NRXN3: variants seen among roughly 807,000 people sequenced by gnomAD.
NRXN3 encodes the protein neurexin III.
Under a neutral mutation model 137.6 loss-of-function variants are expected in NRXN3, and 32 were observed. The ratio of observed to expected loss-of-function variants is 0.23; its 90% CI spans 0.18 to 0.31. NRXN3 has a LOEUF of 0.31. NRXN3 is among the 10% of genes least tolerant of loss of function. The probability of loss-of-function intolerance (pLI) is 1.00; values close to 1 mark genes in which losing one functional copy is unlikely to be tolerated. For synonymous variants in NRXN3, 798 were observed against 784.5 expected (o/e 1.02, Z -0.29); for missense variants, 1,574 against 2,062.5 (o/e 0.76, Z 4.59).
intron 6 of NRXN3, among the ~76,000 whole-genome samples, chr14:78,695,081 T>C (rs2098212783): frequency 6.6e-6 from 1 of 152,050 alleles, no homozygotes; most frequent in Admixed American, 6.6e-5. Flanking sequence ...GTTGCTTGAC[T>C]CTTCCCATTT....
rs573335429 is a variant in NRXN3, at chr14:79,170,188, C to T, written c.3262+182047C>T. On this transcript the variant is annotated intron_variant, in intron 15 of 20. Transcript: ENST00000335750. ...GTGGAAAATCTATTTGGTGAGGATA[C>T]ACAGGAACTCCAAGGAAGGGTAAGA... Among the ~76,000 whole-genome samples the T allele has an allele frequency of 6.6e-5, 10 of 152,196 alleles. No individual in the cohort carries two copies. In the South Asian group the frequency reaches 1.0e-3, roughly 16 times the overall value.
rs560094138 is a variant in NRXN3, at chr14:78,717,782, C to A, written c.2044+2643C>A. 3.3e-5 allele frequency among the ~76,000 whole-genome samples: 5 copies of A among 152,122 alleles called. No homozygotes were observed. In the East Asian group the frequency reaches 7.7e-4, roughly 23 times the overall value. ...AAACAGAAACACCAACTTGACACGG[C>A]CTTTACTTGTGAACAAGGGGTGTAT... On this transcript the variant is annotated intron_variant, in intron 8 of 20. Transcript: ENST00000335750.
intron 8 of NRXN3, among the ~76,000 whole-genome samples, chr14:78,718,209 T>A (rs2098443218): frequency 6.6e-6 from 1 of 152,166 alleles, no homozygotes; most frequent in African/African-American, 2.4e-5. Flanking sequence ...TTGTACTAAA[T>A]GTGTTAAGCC....
intron 15 of NRXN3, among the ~76,000 whole-genome samples, chr14:79,133,064 A>G (rs1032546550): frequency 6.6e-6 from 1 of 152,198 alleles, no homozygotes; most frequent in Non-Finnish European, 1.5e-5. Flanking sequence ...TATGGACAGC[A>G]CTCTTTGCAG....
intron 19 of NRXN3, among the ~76,000 whole-genome samples, chr14:79,754,961 G>T (rs191436856): frequency 6.6e-6 from 1 of 152,184 alleles, no homozygotes; most frequent in East Asian, 1.9e-4. Flanking sequence ...TGCCATAATT[G>T]TAAGTTTCCT....
intron 4 of NRXN3, among the ~76,000 whole-genome samples, chr14:78,589,791 A>C (rs1214360692): frequency 2.0e-5 from 3 of 152,142 alleles, no homozygotes; most frequent in African/African-American, 7.2e-5. Context: ...TGGATTCCGC[A>C]GGAGGGAGGC....
intron 16 of NRXN3, among the ~76,000 whole-genome samples, chr14:79,612,477 A>G (rs965735114): frequency 1.2e-4 from 18 of 152,190 alleles, no homozygotes; most frequent in African/African-American, 4.3e-4. Context: ...AAACTGATGG[A>G]AAGTGGGGGC....
At chr14:79,758,560 A>G (rs1425031491) in intron 19 of NRXN3, among the ~76,000 whole-genome samples, 2 of 152,208 alleles carry the variant, frequency 1.3e-5, no homozygotes, top group Non-Finnish European at 2.9e-5. Flanking sequence ...CCTACCTCCA[A>G]CATTGGGGAT....
rs548226029 is a variant in NRXN3 at position 78,490,852 on chromosome 14, G to A, written c.758-154268G>A. ...GAGTAGGTAACTTGTCCTAGGTCACGGGGTAATAATTTTTACCTGCTGGCT... is the reference window on the plus strand; with the variant it reads ...GAGTAGGTAACTTGTCCTAGGTCACAGGGTAATAATTTTTACCTGCTGGCT... On this transcript the variant is annotated intron_variant, in intron 4 of 20. Transcript: ENST00000335750. Among the ~76,000 whole-genome samples the A allele has an allele frequency of 4.6e-5, 7 of 152,232 alleles. No individual in the cohort carries two copies. In the South Asian group the frequency reaches 1.0e-3, roughly 23 times the overall value.
At chr14:79,417,963 GAA>G (rs34369597) in intron 15 of NRXN3, among the ~76,000 whole-genome samples, 12 of 141,594 alleles carry the variant, frequency 8.5e-5, no homozygotes, top group South Asian at 4.4e-4. Context: ...AGAATATATG[GAA>G]AAAAAAAAAG....
At chr14:78,674,523 T>C (rs929817687) in intron 6 of NRXN3, among the ~76,000 whole-genome samples, 4 of 152,216 alleles carry the variant, frequency 2.6e-5, no homozygotes, top group African/African-American at 9.6e-5. Flanking sequence ...CTAGGGCATG[T>C]ATCCAGATAA....
intron 19 of NRXN3, among the ~76,000 whole-genome samples, chr14:79,797,606 G>A (rs1294760073): frequency 6.6e-6 from 1 of 152,072 alleles, no homozygotes; most frequent in African/African-American, 2.4e-5. Flanking sequence ...GCTTTCAAAG[G>A]TAACTATAAA....
At chr14:79,692,437 A>G (rs940543887) in intron 18 of NRXN3, among the ~76,000 whole-genome samples, 175 bp downstream of exon 18, 9 of 152,104 alleles carry the variant, frequency 5.9e-5, no homozygotes, top group African/African-American at 2.2e-4. Context: ...TCATGCTATA[A>G]TACATTGCCA....
intron 20 of NRXN3, chr14:79,853,742 TAAAG>T: frequency 2.7e-6 from 3 of 1,091,476 alleles, no homozygotes; most frequent in Non-Finnish European, 3.4e-6. Flanking sequence ...CTCCCTAAAT[TAAAG>T]AAAGCCTAAA....
intron 19 of NRXN3, among the ~76,000 whole-genome samples, chr14:79,804,430 A>C (rs1258497667): frequency 6.6e-6 from 1 of 152,164 alleles, no homozygotes; most frequent in African/African-American, 2.4e-5. Context: ...AGGTGCCTCA[A>C]GTCGAACTAC....
chr14:79,807,169 C>T (rs777660805), intron 20 of NRXN3, among the ~76,000 whole-genome samples: 1 of 151,266 alleles, frequency 6.6e-6, no homozygotes, highest in Admixed American at 6.6e-5. Flanking sequence ...AAATGCGGTT[C>T]TCACCATGTT....
chr14:78,778,665 CT>C (rs1237419340), intron 8 of NRXN3, among the ~76,000 whole-genome samples: 1 of 148,072 alleles, frequency 6.8e-6, no homozygotes, highest in African/African-American at 2.4e-5. Context: ...TTTTCCTTTT[CT>C]TTTCTCTTTT....
At chr14:78,233,217 C>T (rs2065695105) in intron 1 of NRXN3, among the ~76,000 whole-genome samples, 2 of 152,144 alleles carry the variant, frequency 1.3e-5, no homozygotes, top group African/African-American at 4.8e-5. Flanking sequence ...TTGTTCTTCC[C>T]AATTTATAGG....
intron 16 of NRXN3, among the ~76,000 whole-genome samples, chr14:79,651,488 T>C (rs929992380): frequency 1.2e-4 from 18 of 152,030 alleles, no homozygotes; most frequent in Non-Finnish European, 1.9e-4. Flanking sequence ...GAGGAAGACA[T>C]AGAACATAAA....
Sources: gnomAD v4.1 joint callset for allele counts (sites outside exome capture counted in the v4.1 genomes callset) on GRCh38, gnomAD v4.1.1 for gene constraint, MANE v1.5 for transcripts, NCBI Gene and HGNC (gene_info 2026-07-23, HGNC 2026-07-21) for gene names.